The following GNAI1 variants were observed in gnomAD, a reference collection of about 807,000 sequenced individuals.
The protein encoded by GNAI1 is G protein subunit alpha i1.
A neutral mutation model predicts 38.9 loss-of-function variants in GNAI1; 11 were observed. The observed-to-expected ratio is 0.28, with a 90% CI of 0.18 to 0.47. The LOEUF is 0.47. Ranked by LOEUF, GNAI1 falls within the 20% of genes least tolerant of loss-of-function variation. The probability of loss-of-function intolerance (pLI) is 0.99; values close to 1 mark genes in which losing one functional copy is unlikely to be tolerated. For missense variants in GNAI1, 317 were observed against 436.9 expected (o/e 0.73, Z 2.45); for synonymous variants, 166 against 145.1 (o/e 1.14, Z -1.04).
intron 6 of GNAI1, among the ~76,000 whole-genome samples, chr7:80,212,433 T>C (rs2115711488): frequency 6.6e-6 from 1 of 152,304 alleles, no homozygotes; most frequent in African/African-American, 2.4e-5. Context: ...ACACTTCACA[T>C]CCCTAGATTA....
intron 1 of GNAI1, among the ~76,000 whole-genome samples, chr7:80,145,574 A>G (rs1231909556): frequency 6.6e-6 from 1 of 152,178 alleles, no homozygotes; most frequent in Non-Finnish European, 1.5e-5. Context: ...TGAAATTTCT[A>G]TGTCTAAAAA....
intron 2 of GNAI1, 27 bp from the exon 3 acceptor site, chr7:80,189,063 T>G (rs1490431704): frequency 6.2e-7 from 1 of 1,602,386 alleles, no homozygotes; most frequent in Admixed American, 1.7e-5. Flanking sequence ...AGTAAATAAT[T>G]CTTTTTTTTC....
chr7:80,140,145 G>T (rs1190398402), intron 1 of GNAI1, among the ~76,000 whole-genome samples: 3 of 151,914 alleles, frequency 2.0e-5, no homozygotes, highest in Non-Finnish European at 4.4e-5. Context: ...CACCACGCCC[G>T]GCTAATTTTT....
intron 3 of GNAI1, among the ~76,000 whole-genome samples, chr7:80,191,573 G>A (rs191021735): frequency 2.6e-5 from 4 of 152,154 alleles, no homozygotes. Flanking sequence ...TGTATTTTTA[G>A]TAAAGATGGG....
At chr7:80,137,555 G>A (rs561677481) in intron 1 of GNAI1, among the ~76,000 whole-genome samples, 12 of 151,980 alleles carry the variant, frequency 7.9e-5, no homozygotes, top group African/African-American at 2.9e-4. Context: ...CCTGACCTCA[G>A]GTGATCCGCC....
intron 1 of GNAI1, 141 bp downstream of exon 1, chr7:80,135,419 CGGAGGCAAGGCG>C: frequency 2.1e-6 from 1 of 484,980 alleles, no homozygotes; most frequent in Non-Finnish European, 3.4e-6. Context: ...TCCGGCGGTG[CGGAGGCAAGGCG>C]GGTCCCCCTC....
Position 80,224,719 on chromosome 7 carries a change from C to A in GNAI1, c.*7226C>A, listed in dbSNP as rs1789131714. Reference sequence around the variant, plus strand: ...ATAGGAACTGCACAGACACAGCAGCCACTACCCAGGTGTGAATGCAGAGCA... The same window carrying A: ...ATAGGAACTGCACAGACACAGCAGCAACTACCCAGGTGTGAATGCAGAGCA... On this transcript the variant is annotated 3_prime_UTR_variant, in exon 8 of 8. Coordinates refer to ENST00000649796, the MANE Select transcript of GNAI1 (RefSeq NM_002069.6). 6.6e-6 allele frequency among the ~76,000 whole-genome samples: 1 copy of A among 152,198 alleles called. No homozygotes were observed. The highest frequency in any genetic ancestry group is 2.4e-5 in the African/African-American group (1 of 41,442).
intron 1 of GNAI1, among the ~76,000 whole-genome samples, chr7:80,154,306 G>T (rs952457521): frequency 2.0e-5 from 3 of 152,260 alleles, no homozygotes; most frequent in Non-Finnish European, 4.4e-5. Flanking sequence ...GTTTAATAGA[G>T]TTCTCACTTG....
At position 80,222,224 on chromosome 7, in the gene GNAI1, T is replaced by TCAA. The variant is rs1198187495; in HGVS notation, c.*4733_*4735dup. Among the ~76,000 whole-genome samples the TCAA allele has an allele frequency of 6.6e-6, 1 of 152,106 alleles. No individual in the cohort carries two copies. Among genetic ancestry groups the TCAA allele is most frequent in the Admixed American group, 6.6e-5 (1 of 15,264 alleles). ...TGTCCAAGCCAGAGCTGATTAGGCC[T>TCAA]CAACTGGAATAGTCCCACCATGTAA... On this transcript the variant is annotated 3_prime_UTR_variant, in exon 8 of 8. Coordinates refer to ENST00000649796, the MANE Select transcript of GNAI1 (RefSeq NM_002069.6).
intron 1 of GNAI1, among the ~76,000 whole-genome samples, chr7:80,153,492 C>T (rs1392613220): frequency 2.6e-5 from 4 of 152,172 alleles, no homozygotes; most frequent in Non-Finnish European, 5.9e-5. Flanking sequence ...TTCTCTAATA[C>T]AGTAGGAGGA....
intron 1 of GNAI1, among the ~76,000 whole-genome samples, chr7:80,183,905 C>T (rs1788344151): frequency 6.6e-6 from 1 of 152,128 alleles, no homozygotes; most frequent in African/African-American, 2.4e-5. Flanking sequence ...TTTCCTGGAT[C>T]CTACCGGTAG....
chr7:80,171,167 G>T (rs201619611), intron 1 of GNAI1, among the ~76,000 whole-genome samples: 2 of 152,026 alleles, frequency 1.3e-5, no homozygotes, highest in African/African-American at 2.4e-5. Flanking sequence ...GTTTACCTAC[G>T]TACGCCTTTT....
chr7:80,215,957 G>T (rs966374664), intron 7 of GNAI1, among the ~76,000 whole-genome samples: 2 of 152,144 alleles, frequency 1.3e-5, no homozygotes, highest in Admixed American at 1.3e-4. Context: ...GAGCGCCAGT[G>T]TGGAGGAGAG....
rs1788637124 is a variant in GNAI1, at chr7:80,199,238, A to C, written c.317A>C (p.Gln106Pro). The part of the protein sequence containing the change: ...GDSARADDAR[Q>P]LFVLAGAAEE... Reference sequence around the variant, plus strand: ...TTGAATGTTCAGGATGATGCACGCCAACTCTTTGTGCTAGCTGGAGCTGCT... The same window carrying C: ...TTGAATGTTCAGGATGATGCACGCCCACTCTTTGTGCTAGCTGGAGCTGCT... Residue 106 changes from glutamine to proline, a missense_variant, in exon 4 of 8, where the codon CAA (glutamine) becomes CCA (proline). Transcript: ENST00000649796. The C allele has an allele frequency of 1.2e-6, 2 of 1,611,376 alleles. No homozygotes were observed. The highest frequency in any genetic ancestry group is 1.7e-6 in the Non-Finnish European group (2 of 1,178,650).
chr7:80,176,024 G>A (rs77529358), intron 1 of GNAI1, among the ~76,000 whole-genome samples: 1 of 152,226 alleles, frequency 6.6e-6, no homozygotes. Context: ...TGCTAGTGCT[G>A]TTGCACCTGA....
chr7:80,142,004 G>T (rs1214357499), intron 1 of GNAI1, among the ~76,000 whole-genome samples: 1 of 152,122 alleles, frequency 6.6e-6, no homozygotes, highest in Non-Finnish European at 1.5e-5. Context: ...GTATGTTCAT[G>T]ATAATTCACA....
chr7:80,144,887 A>G (rs934199861), intron 1 of GNAI1, among the ~76,000 whole-genome samples: 6 of 152,218 alleles, frequency 3.9e-5, no homozygotes, highest in African/African-American at 1.2e-4. Context: ...AGCACATTCA[A>G]TCAGCAATCA....
At position 80,219,526 on chromosome 7, in the gene GNAI1, T is replaced by C. The variant is rs1420164785; in HGVS notation, c.*2033T>C. 1 of 152,284 alleles carries C rather than the reference T, an allele frequency of 6.6e-6. No individual in the cohort carries two copies. Among genetic ancestry groups the C allele is most frequent in the East Asian group, 1.9e-4 (1 of 5,196 alleles). 9.4% of individuals were successfully genotyped at this position (152,284 alleles called of 1,614,324 possible). A position where few individuals can be genotyped will look rare whatever the true frequency, so the allele number is the denominator to read the frequency against. ...CTACTCCAGAAGCTCAGATTTTCCC[T>C]GTTCCAAGCTATGAGATGTGATGCC... is the stretch of plus-strand genomic sequence containing the variant. On this transcript the variant is annotated 3_prime_UTR_variant, in exon 8 of 8. Transcript: ENST00000649796.
At chr7:80,184,371 CT>C (rs942612802) in intron 1 of GNAI1, among the ~76,000 whole-genome samples, 3 of 152,166 alleles carry the variant, frequency 2.0e-5, no homozygotes, top group African/African-American at 7.2e-5. Context: ...TGTGTCCCTT[CT>C]CCCCTGATTC....
Sources: allele counts gnomAD v4.1 joint callset (sites outside exome capture counted in the v4.1 genomes callset), GRCh38; gene constraint gnomAD v4.1.1; transcripts MANE v1.5; gene names NCBI Gene and HGNC (gene_info 2026-07-23, HGNC 2026-07-21).